The following ZFP64 variants were observed in gnomAD, a reference collection of about 807,000 sequenced individuals.
ZFP64 encodes the protein zinc finger protein 64.
In ZFP64, 14 loss-of-function variants were observed where a neutral mutation model predicts 51.6. The observed-to-expected ratio is 0.27, with a 90% CI of 0.18 to 0.42. The LOEUF is 0.42. ZFP64 is among the 10% of genes least tolerant of loss of function. The pLI is 1.00. For synonymous variants in ZFP64, 375 were observed against 361.4 expected (o/e 1.04, Z -0.43); for missense variants, 754 against 906.8 (o/e 0.83, Z 2.16).
At chr20:52,121,501 G>A (rs953406916) in intron 5 of ZFP64, among the ~76,000 whole-genome samples, 1 of 152,188 alleles carries the variant, frequency 6.6e-6, no homozygotes, top group Non-Finnish European at 1.5e-5. Flanking sequence ...TCAGAGCAGG[G>A]CCCTACCTCT....
downstream of ZFP64, among the ~76,000 whole-genome samples, chr20:52,150,204 C>CAAAA (rs11474043): frequency 2.1e-3 from 288 of 137,538 alleles, 4 homozygotes; most frequent in Middle Eastern, 7.4e-3. Context: ...GACTCCACCT[C>CAAAA]AAAAAAAAAA....
chr20:52,085,999 AC>A lies in ZFP64; in HGVS notation c.1229-734del, dbSNP rs2078860249. On this transcript the variant is annotated intron_variant, in intron 8 of 8. Coordinates refer to the ZFP64 transcript ENST00000361387. This position sits in a 1 kb window ranked among gnomAD's most constrained non-coding sequence, Gnocchi z 4.3. ...TCTCCCCTGCATTCTGGTGGTTGTG[AC>A]TTTTACACTTTTAAGCTGAGTAGTA... 6.6e-6 allele frequency among the ~76,000 whole-genome samples: 1 copy of A among 152,112 alleles called. No individual in the cohort carries two copies. The highest frequency in any genetic ancestry group is 2.1e-4 in the South Asian group (1 of 4,822).
chr20:52,122,384 T>C (rs961589770), intron 5 of ZFP64, among the ~76,000 whole-genome samples: 1 of 151,498 alleles, frequency 6.6e-6, no homozygotes, highest in Non-Finnish European at 1.5e-5. Context: ...CCGGCGCCTG[T>C]AGTCCCAGCT....
chr20:52,095,918 T>C (rs2078983713), intron 7 of ZFP64, among the ~76,000 whole-genome samples: 1 of 152,210 alleles, frequency 6.6e-6, no homozygotes, highest in Non-Finnish European at 1.5e-5. Context: ...CACTCTGAGA[T>C]TCCTCAAACT....
chr20:52,167,638 AT>A (rs1300489450), intron 2 of ZFP64, among the ~76,000 whole-genome samples: 1 of 150,548 alleles, frequency 6.6e-6, no homozygotes, highest in Admixed American at 6.6e-5. Context: ...TCATATGAAG[AT>A]TGGGTTTCAA....
At chr20:52,095,845 A>C (rs1413289852) in intron 7 of ZFP64, among the ~76,000 whole-genome samples, 3 of 152,204 alleles carry the variant, frequency 2.0e-5, no homozygotes, top group Non-Finnish European at 4.4e-5. Context: ...CCACCCACTG[A>C]ATGGCAGTAG....
chr20:52,173,820 T>C (rs1452377760), intron 2 of ZFP64, among the ~76,000 whole-genome samples: 1 of 151,976 alleles, frequency 6.6e-6, no homozygotes, highest in Non-Finnish European at 1.5e-5. Context: ...GGCTAATTTT[T>C]GTATTTTTAG....
intron 2 of ZFP64, among the ~76,000 whole-genome samples, chr20:52,178,911 G>A (rs1220148073): frequency 6.6e-6 from 1 of 152,128 alleles, no homozygotes; most frequent in Admixed American, 6.5e-5. Flanking sequence ...CCCTCCCCGA[G>A]GGGCTTGGAA....
Position 52,122,428 on chromosome 20 carries a change from C to T in ZFP64, c.764-23841G>A, listed in dbSNP as rs577258087. 5.3e-3 allele frequency among the ~76,000 whole-genome samples: 800 copies of T among 150,014 alleles called. 10 individuals are homozygous for T. The highest frequency in any genetic ancestry group is 6.5e-3 in the Non-Finnish European group (439 of 67,802). On this transcript the variant is annotated intron_variant, in intron 5 of 8. Coordinates refer to the ZFP64 transcript ENST00000361387. Reference sequence around the variant, plus strand: ...GGCTGAGGCAGGAGAATGGCGTGAACCCGGGAGGTGGAGCTTGCAGTGAGC... The same window carrying T: ...GGCTGAGGCAGGAGAATGGCGTGAATCCGGGAGGTGGAGCTTGCAGTGAGC...
At chr20:52,084,674 C>T in exon 9 of ZFP64, 1 of 1,614,268 alleles carries the variant, frequency 6.2e-7, no homozygotes, top group Non-Finnish European at 8.5e-7. Context: ...AGTTCTTGTT[C>T]TCACTCTGAT....
rs1231509788 is a variant in ZFP64 at position 52,153,228 on chromosome 20, A to G, written c.964T>C (p.Phe322Leu). The G allele has an allele frequency of 6.2e-7, 1 of 1,614,112 alleles. No homozygotes were observed. Among genetic ancestry groups the G allele is most frequent in the African/African-American group, 1.3e-5 (1 of 74,940 alleles). The change falls in exon 6 of 6, where the codon TTC becomes CTC. Residue 322 changes from phenylalanine (F) to leucine (L), a missense_variant. This residue lies in a region of ZFP64 where 231 missense variants were observed against 336.7 expected (regional missense o/e 0.69). Coordinates refer to ENST00000216923, the MANE Select transcript of ZFP64 (RefSeq NM_018197.3). The surrounding 1 kb of genome is among the most constrained non-coding windows in gnomAD (Gnocchi z 5.1). ...GNNFKCPHCD[F>L]LGDSKATLRK... ...AGGGTGGCTTTGCTGTCACCCAGGA[A>G]GTCGCAATGAGGACACTTGAAGTTA...
chr20:52,107,001 G>A (rs1459996337), intron 5 of ZFP64, among the ~76,000 whole-genome samples: 1 of 152,252 alleles, frequency 6.6e-6, no homozygotes, highest in East Asian at 1.9e-4. Context: ...GGGAAGCTGA[G>A]GCAGGAGAAT....
Position 52,125,384 on chromosome 20 carries a change from A to C in ZFP64, c.764-26797T>G, listed in dbSNP as rs1419796368. 2.0e-5 allele frequency among the ~76,000 whole-genome samples: 3 copies of C among 152,208 alleles called. No individual in the cohort carries two copies. The East Asian group carries it at 5.8e-4, about 29-fold the overall frequency. On this transcript the variant is annotated intron_variant, in intron 5 of 8. Coordinates refer to the ZFP64 transcript ENST00000361387. Reference sequence around the variant, plus strand: ...TGACAGCCATAACCATGACCAAGGCACTCTTCCAAGACTGCCTATGATGCT... The same window carrying C: ...TGACAGCCATAACCATGACCAAGGCCCTCTTCCAAGACTGCCTATGATGCT...
chr20:52,105,358 T>G lies in ZFP64; in HGVS notation c.764-6771A>C, dbSNP rs1978305929. On this transcript the variant is annotated intron_variant, in intron 5 of 8. Transcript: ENST00000361387. ...GCGCATGTCCCGGCAATTCTGCTCA[T>G]CAGCCGAGCAGGGCGATTTATCAAG... is the stretch of plus-strand genomic sequence containing the variant. 9 of 1,242,576 alleles carry G rather than the reference T, an allele frequency of 7.2e-6. No homozygotes were observed. In the Admixed American group the frequency reaches 2.5e-4, roughly 35 times the overall value. The allele number at this position is 1,242,576 out of a possible 1,614,324, so 77.0% of individuals were successfully genotyped here.
At chr20:52,115,983 C>T (rs889845135) in intron 5 of ZFP64, among the ~76,000 whole-genome samples, 7 of 151,884 alleles carry the variant, frequency 4.6e-5, no homozygotes, top group African/African-American at 1.7e-4. Context: ...TACAGGCATG[C>T]GCCACCATGC....
intron 5 of ZFP64, among the ~76,000 whole-genome samples, chr20:52,119,924 A>G (rs1979094795): frequency 6.6e-6 from 1 of 151,968 alleles, no homozygotes; most frequent in South Asian, 2.1e-4. Context: ...TGATTAAATA[A>G]TTTCCTATTT....
chr20:52,188,129 T>C (rs1484469062), intron 1 of ZFP64, among the ~76,000 whole-genome samples: 1 of 152,032 alleles, frequency 6.6e-6, no homozygotes, highest in African/African-American at 2.4e-5. Context: ...GCAGCCATCT[T>C]GTAACTATGA....
chr20:52,120,885 C>A (rs1188321728), intron 5 of ZFP64, among the ~76,000 whole-genome samples: 2 of 151,882 alleles, frequency 1.3e-5, no homozygotes, highest in African/African-American at 2.4e-5. Context: ...CCATGTTGGC[C>A]AGGCTGGTCT....
At chr20:52,155,651 T>C (rs1365631156) in intron 5 of ZFP64, among the ~76,000 whole-genome samples, 1 of 152,214 alleles carries the variant, frequency 6.6e-6, no homozygotes, top group African/African-American at 2.4e-5. Flanking sequence ...TGTCTTTTTT[T>C]TTTTAATTTA....
Sources: gnomAD v4.1 joint callset for allele counts (sites outside exome capture counted in the v4.1 genomes callset) on GRCh38, gnomAD v4.1.1 for gene constraint, gnomAD v4.1.1 regional missense constraint, Gnocchi (gnomAD v3.1) non-coding constraint, MANE v1.5 for transcripts, NCBI Gene and HGNC (gene_info 2026-07-23, HGNC 2026-07-21) for gene names.